Variants in CNTNAP2 observed in about 807,000 individuals in gnomAD.
CNTNAP2 encodes the protein contactin-associated protein-like 2.
CNTNAP2 carries 98 observed loss-of-function variants against 155.2 expected under a neutral mutation model. That is an observed-to-expected ratio of 0.63 (90% confidence interval 0.54 to 0.75). CNTNAP2 has a LOEUF of 0.75. Ranked by LOEUF, CNTNAP2 falls within the 30% of genes least tolerant of loss-of-function variation. CNTNAP2 has a pLI of 0.00. For missense variants in CNTNAP2, 1,727 were observed against 1,688.1 expected (o/e 1.02, Z -0.40); for synonymous variants, 651 against 631.2 (o/e 1.03, Z -0.47).
At chr7:146,449,222 G>C (rs1796443909) in intron 1 of CNTNAP2, among the ~76,000 whole-genome samples, 1 of 151,810 alleles carries the variant, frequency 6.6e-6, no homozygotes, top group Non-Finnish European at 1.5e-5. Context: ...TCTTTCATTG[G>C]TTTCAGGAAT....
intron 1 of CNTNAP2, among the ~76,000 whole-genome samples, chr7:146,487,586 A>C (rs138735807): frequency 1.3e-5 from 2 of 152,312 alleles, no homozygotes; most frequent in African/African-American, 4.8e-5. Flanking sequence ...TTGGTGATCA[A>C]TTTTCCCCAC....
intron 3 of CNTNAP2, among the ~76,000 whole-genome samples, chr7:146,863,977 T>C (rs1795153568): frequency 6.6e-6 from 1 of 152,106 alleles, no homozygotes; most frequent in African/African-American, 2.4e-5. Context: ...TTGTTAAAGG[T>C]ATAGTTGTTT....
At chr7:148,042,041 G>A (rs919516264) in intron 15 of CNTNAP2, among the ~76,000 whole-genome samples, 1 of 152,184 alleles carries the variant, frequency 6.6e-6, no homozygotes, top group East Asian at 1.9e-4. Context: ...TGAAAGGTCA[G>A]CTGAAGTTAC....
At chr7:147,286,502 C>T (rs558259636) in intron 8 of CNTNAP2, among the ~76,000 whole-genome samples, 5 of 151,612 alleles carry the variant, frequency 3.3e-5, no homozygotes, top group South Asian at 2.1e-4. Context: ...AAAAACGGAA[C>T]GTAAGAAAAA....
At chr7:147,590,133 A>G (rs1023672171) in intron 12 of CNTNAP2, among the ~76,000 whole-genome samples, 31 of 152,216 alleles carry the variant, frequency 2.0e-4, no homozygotes, top group African/African-American at 7.0e-4. Context: ...TGTAAAAAAC[A>G]TAATTTGTGA....
At chr7:147,434,411 A>G (rs1179092190) in intron 10 of CNTNAP2, among the ~76,000 whole-genome samples, 1 of 152,208 alleles carries the variant, frequency 6.6e-6, no homozygotes, top group Non-Finnish European at 1.5e-5. Flanking sequence ...GTCTACCAAG[A>G]TATTGAATTA....
intron 1 of CNTNAP2, among the ~76,000 whole-genome samples, chr7:146,598,013 C>T (rs1798889218): frequency 1.3e-5 from 2 of 152,064 alleles, no homozygotes; most frequent in African/African-American, 4.8e-5. Context: ...TACGCATGCT[C>T]CTCTCTTCAG....
At chr7:146,724,792 A>T (rs1043947909) in intron 1 of CNTNAP2, among the ~76,000 whole-genome samples, 1 of 151,732 alleles carries the variant, frequency 6.6e-6, no homozygotes, top group Non-Finnish European at 1.5e-5. Flanking sequence ...AATGGTTTCA[A>T]TCTCCTGACC....
Position 148,076,422 on chromosome 7 carries a change from C to CTTTTTTT in CNTNAP2, c.2384-41671_2384-41665dup, listed in dbSNP as rs771048326. 3.1e-3 allele frequency among the ~76,000 whole-genome samples: 155 copies of CTTTTTTT among 49,802 alleles called. 33 individuals carry two copies. In the East Asian group the frequency reaches 0.04, roughly 13 times the overall value. The allele number at this position is 49,802 out of a possible 152,430, so 32.7% of individuals were successfully genotyped here. On this transcript the variant is annotated intron_variant, in intron 15 of 23. Transcript: ENST00000361727. ...TGTAGACCTATGATAGCTCTGACTT[C>CTTTTTTT]TTTTTTTTTTTTTTTTTTTTTTTTT...
At chr7:146,334,810 C>T (rs923451855) in intron 1 of CNTNAP2, among the ~76,000 whole-genome samples, 67 of 151,744 alleles carry the variant, frequency 4.4e-4, no homozygotes, top group Admixed American at 4.2e-3. Flanking sequence ...CATTTGTGAA[C>T]CTGTTCATGC....
chr7:146,738,553 G>C (rs1167957419), intron 1 of CNTNAP2, among the ~76,000 whole-genome samples: 2 of 151,632 alleles, frequency 1.3e-5, no homozygotes. Context: ...TTTGCTGCCT[G>C]TGCTTTTGAT....
chr7:147,278,895 A>C (rs1804965994), intron 8 of CNTNAP2, among the ~76,000 whole-genome samples: 1 of 151,410 alleles, frequency 6.6e-6, no homozygotes, highest in Non-Finnish European at 1.5e-5. Flanking sequence ...AGGATTTTAT[A>C]ACTGTACTTG....
At chr7:146,850,767 C>T (rs984330881) in intron 3 of CNTNAP2, among the ~76,000 whole-genome samples, 2 of 151,178 alleles carry the variant, frequency 1.3e-5, no homozygotes, top group African/African-American at 4.9e-5. Context: ...AACATACCCG[C>T]AAAATAAAAT....
At chr7:147,798,036 C>T (rs1371634222) in intron 13 of CNTNAP2, among the ~76,000 whole-genome samples, 3 of 151,984 alleles carry the variant, frequency 2.0e-5, no homozygotes, top group Admixed American at 6.6e-5. Flanking sequence ...CCCACTTAGA[C>T]CGAAGAAAAT....
At chr7:148,052,037 G>A (rs989133841) in intron 15 of CNTNAP2, among the ~76,000 whole-genome samples, 3 of 151,886 alleles carry the variant, frequency 2.0e-5, no homozygotes, top group Admixed American at 1.3e-4. Flanking sequence ...TGCTCGGGAG[G>A]CTGAGGCAGG....
intron 11 of CNTNAP2, among the ~76,000 whole-genome samples, chr7:147,552,185 T>G (rs1799865147): frequency 6.6e-6 from 1 of 152,196 alleles, no homozygotes; most frequent in Non-Finnish European, 1.5e-5. Flanking sequence ...TTGTTTGTTT[T>G]TTATTTGAGT....
chr7:146,558,234 G>A (rs1798225358), intron 1 of CNTNAP2, among the ~76,000 whole-genome samples: 1 of 152,034 alleles, frequency 6.6e-6, no homozygotes, highest in Non-Finnish European at 1.5e-5. Flanking sequence ...GACATGTTGT[G>A]CACATGACAG....
At chr7:148,009,798 A>G (rs959794662) in intron 15 of CNTNAP2, among the ~76,000 whole-genome samples, 5 of 152,104 alleles carry the variant, frequency 3.3e-5, no homozygotes, top group African/African-American at 7.2e-5. Flanking sequence ...TTTCTGTTTT[A>G]TGATATTCCA....
chr7:148,142,782 A>G (rs937846277), intron 16 of CNTNAP2, among the ~76,000 whole-genome samples: 1 of 152,226 alleles, frequency 6.6e-6, no homozygotes, highest in Non-Finnish European at 1.5e-5. Context: ...TGTTAAATTT[A>G]TCGCTCAATA....
Sources: allele counts gnomAD v4.1 joint callset (sites outside exome capture counted in the v4.1 genomes callset), GRCh38; gene constraint gnomAD v4.1.1; transcripts MANE v1.5; gene names NCBI Gene and HGNC (gene_info 2026-07-23, HGNC 2026-07-21).